Variants in CTCF observed in about 807,000 individuals in gnomAD.
CTCF encodes the protein transcriptional repressor CTCF.
In CTCF, 7 loss-of-function variants were observed where a neutral mutation model predicts 72.3. That is an observed-to-expected ratio of 0.10 (90% CI 0.06 to 0.18). The LOEUF (loss-of-function observed/expected upper bound fraction) is 0.18, where lower values mean the gene tolerates loss of function less well. Among genes scored for constraint, CTCF ranks in the 10% least tolerant of loss-of-function variants. CTCF has a pLI of 1.00. For synonymous variants in CTCF, 374 were observed against 315.8 expected (o/e 1.18, Z -1.95); for missense variants, 516 against 949.1 (o/e 0.54, Z 6.00).
rs757444180 is a variant in CTCF at position 67,637,854 on chromosome 16, C to T, written c.2166C>T (p.Leu722=). The T allele has an allele frequency of 4.3e-6, 7 of 1,611,482 alleles. No individual in the cohort carries two copies. In the Middle Eastern group the frequency reaches 6.5e-4, roughly 151 times the overall value. Residue 722 remains leucine, a synonymous_variant, in exon 12 of 12, where the codon CTC becomes CTT. Transcript: ENST00000264010. ...GAGACCTCACGCCCGAGATGATCCTCAGCATGATGGACCGGTGATGGCGGA... is the reference window on the plus strand; with the variant it reads ...GAGACCTCACGCCCGAGATGATCCTTAGCATGATGGACCGGTGATGGCGGA... The part of the protein sequence containing the change: ...PNGDLTPEMI[L]SMMDR
chr16:67,611,814 G>A (rs1413712547), intron 3 of CTCF, 137 bp from the exon 4 acceptor site: 2 of 933,788 alleles, frequency 2.1e-6, no homozygotes, highest in Non-Finnish European at 3.3e-6. Flanking sequence ...AAATGTATTA[G>A]TGACATGAGA....
At chr16:67,577,967 T>G (rs1050126628) in intron 2 of CTCF, among the ~76,000 whole-genome samples, 1 of 152,200 alleles carries the variant, frequency 6.6e-6, no homozygotes, top group Non-Finnish European at 1.5e-5. Context: ...TGGAAGAGTC[T>G]AATGATTGTA....
At chr16:67,616,652 T>G in intron 4 of CTCF, 93 bp from the exon 5 acceptor site, 2 of 1,426,442 alleles carry the variant, frequency 1.4e-6, no homozygotes, top group Middle Eastern at 3.6e-4. Context: ...TGAATAGGGT[T>G]CCAGTCTCAT....
chr16:67,571,764 T>G (rs760006034), intron 2 of CTCF, among the ~76,000 whole-genome samples: 1 of 152,184 alleles, frequency 6.6e-6, no homozygotes, highest in African/African-American at 2.4e-5. Context: ...AAAATTGTCT[T>G]AATTTGAGTT....
intron 7 of CTCF, among the ~76,000 whole-genome samples, chr16:67,625,944 C>T (rs1310939278): frequency 2.6e-5 from 4 of 152,022 alleles, no homozygotes; most frequent in Non-Finnish European, 4.4e-5. Context: ...TCACTCTCTA[C>T]AGTCACTAAA....
chr16:67,609,661 T>G (rs1597712161), intron 2 of CTCF, among the ~76,000 whole-genome samples: 2 of 151,420 alleles, frequency 1.3e-5, no homozygotes, highest in African/African-American at 4.8e-5. Context: ...TCTCGCTCTG[T>G]CGCCCAGGCT....
At chr16:67,636,444 A>G (rs1364639398) in intron 10 of CTCF, among the ~76,000 whole-genome samples, 1 of 150,302 alleles carries the variant, frequency 6.7e-6, no homozygotes, top group Non-Finnish European at 1.5e-5. Context: ...GCCACTCAGG[A>G]GGCTGAGCCA....
At chr16:67,612,244 T>C (rs868313363) in intron 4 of CTCF, 123 bp downstream of exon 4, 1 of 827,636 alleles carries the variant, frequency 1.2e-6, no homozygotes, top group East Asian at 2.8e-5. Flanking sequence ...TGATGCCCTT[T>C]TTGTAATCAT....
At chr16:67,597,126 C>T (rs556610671) in intron 2 of CTCF, among the ~76,000 whole-genome samples, 1 of 152,100 alleles carries the variant, frequency 6.6e-6, no homozygotes, top group Non-Finnish European at 1.5e-5. Flanking sequence ...CTCAACCTCC[C>T]CAGGTTCAGG....
At chr16:67,623,122 A>G (rs1288201130) in intron 7 of CTCF, among the ~76,000 whole-genome samples, 1 of 136,000 alleles carries the variant, frequency 7.4e-6, no homozygotes, top group Non-Finnish European at 1.6e-5. Flanking sequence ...CCCATGGCTA[A>G]TTTTTGTATT....
chr16:67,608,832 G>A (rs944322359), intron 2 of CTCF, among the ~76,000 whole-genome samples: 2 of 151,512 alleles, frequency 1.3e-5, no homozygotes, highest in East Asian at 1.9e-4. Context: ...TCCACCTCCC[G>A]GGTCAAACGA....
At chr16:67,585,883 T>C (rs1341339592) in intron 2 of CTCF, among the ~76,000 whole-genome samples, 1 of 152,194 alleles carries the variant, frequency 6.6e-6, no homozygotes, top group Non-Finnish European at 1.5e-5. Flanking sequence ...AATTTTTTTC[T>C]CCCTGTCCCC....
Position 67,620,854 on chromosome 16 carries a change from T to G in CTCF, c.1207+37T>G, listed in dbSNP as rs377621523. 141 of 1,511,996 alleles carry G rather than the reference T, an allele frequency of 9.3e-5. 1 individual carries two copies. The East Asian group carries it at 1.2e-3, about 13-fold the overall frequency. The allele number at this position is 1,511,996 out of a possible 1,614,324, so 93.7% of individuals were successfully genotyped here. ...CCACTCCTTACTGTATTAATGAGCTTCTTTTCAGTGAATCCCATGGGACCC... is the reference window on the plus strand; with the variant it reads ...CCACTCCTTACTGTATTAATGAGCTGCTTTTCAGTGAATCCCATGGGACCC... On this transcript the variant is annotated intron_variant, in intron 6 of 11. Coordinates refer to ENST00000264010, the MANE Select transcript of CTCF (RefSeq NM_006565.4).
chr16:67,571,279 C>T lies in CTCF; in HGVS notation c.-10+15C>T, dbSNP rs1360291779. The T allele has an allele frequency of 6.6e-6, 1 of 152,560 alleles. No homozygotes were observed. The highest frequency in any genetic ancestry group is 1.5e-5 in the Non-Finnish European group (1 of 68,036). The allele number at this position is 152,560 out of a possible 1,614,324, so 9.5% of individuals were successfully genotyped here. On this transcript the variant is annotated intron_variant, in intron 2 of 11. Transcript: ENST00000264010. ...GCCACGGAGAGGTAAGTGCTATTTC[C>T]ATTTTTTCTATCTTAAAAATGGTAG...
intron 1 of CTCF, among the ~76,000 whole-genome samples, chr16:67,568,832 T>C (rs1192355346): frequency 6.6e-6 from 1 of 151,516 alleles, no homozygotes; most frequent in East Asian, 1.9e-4. Context: ...CTGGCTATAT[T>C]ATTTGGAAAC....
chr16:67,591,969 T>A (rs6499135), intron 2 of CTCF, among the ~76,000 whole-genome samples: 1 of 151,778 alleles, frequency 6.6e-6, no homozygotes, highest in Admixed American at 6.6e-5. Flanking sequence ...TGGCTCTGCC[T>A]CCCCAAGTAC....
chr16:67,566,046 T>C (rs1220488139), intron 1 of CTCF, among the ~76,000 whole-genome samples: 2 of 152,212 alleles, frequency 1.3e-5, no homozygotes, highest in African/African-American at 4.8e-5. Flanking sequence ...CTAATTTTTT[T>C]AAACTAGACC....
intron 2 of CTCF, among the ~76,000 whole-genome samples, chr16:67,579,184 G>A (rs1479012162): frequency 1.4e-5 from 2 of 147,832 alleles, no homozygotes. Context: ...GAACCTGGGA[G>A]GTGGAGGTTG....
chr16:67,590,687 T>C (rs540296922), intron 2 of CTCF, among the ~76,000 whole-genome samples: 1 of 151,576 alleles, frequency 6.6e-6, no homozygotes, highest in Non-Finnish European at 1.5e-5. Context: ...CCAGGTGTGA[T>C]GGCTCACACC....
Sources: gnomAD v4.1 joint callset for allele counts (sites outside exome capture counted in the v4.1 genomes callset) on GRCh38, gnomAD v4.1.1 for gene constraint, MANE v1.5 for transcripts, NCBI Gene and HGNC (gene_info 2026-07-23, HGNC 2026-07-21) for gene names.